Variants in TLE1 observed in about 807,000 individuals in gnomAD.
TLE1 encodes the protein transducin-like enhancer protein 1.
Under a neutral mutation model 89.8 loss-of-function variants are expected in TLE1, and 21 were observed. The observed-to-expected ratio is 0.23, with a 90% CI of 0.17 to 0.34. The LOEUF is 0.34. Among genes scored for constraint, TLE1 ranks in the 10% least tolerant of loss-of-function variants. The pLI is 1.00. For missense variants in TLE1, 795 were observed against 1,031.2 expected, an observed-to-expected ratio of 0.77 and a Z score of 3.14; for synonymous variants, 447 against 407.6, an observed-to-expected ratio of 1.10 and a Z score of -1.16.
Position 81,620,528 on chromosome 9 carries a change from T to TA in TLE1, c.623dup (p.Arg209LysfsTer5), listed in dbSNP as rs1353537517. Reference sequence around the variant, plus strand: ...CATTTCTGCGTTTATCTGTGCCTCTTAGACTGTCTGGGACCAGGAGGGAAT... The same window carrying TA: ...CATTTCTGCGTTTATCTGTGCCTCTTAAGACTGTCTGGGACCAGGAGGGAAT... On this transcript the variant is annotated frameshift_variant, in exon 9 of 20. Transcript: ENST00000376499. LOFTEE classifies it high-confidence loss of function. The TA allele has an allele frequency of 6.2e-7, 1 of 1,613,948 alleles. No individual in the cohort carries two copies. The highest frequency in any genetic ancestry group is 1.7e-5 in the Admixed American group (1 of 59,992).
intron 15 of TLE1, among the ~76,000 whole-genome samples, chr9:81,591,776 A>G (rs1180799369): frequency 6.6e-6 from 1 of 152,230 alleles, no homozygotes; most frequent in Admixed American, 6.5e-5. Context: ...GCCATATTTA[A>G]ATAAGAATTT....
intron 4 of TLE1, among the ~76,000 whole-genome samples, chr9:81,667,724 C>CA (rs933715655): frequency 2.3e-4 from 34 of 150,800 alleles, no homozygotes; most frequent in African/African-American, 8.1e-4. Flanking sequence ...TGCTCCCCCC[C>CA]AAGCTGAGTG....
intron 4 of TLE1, among the ~76,000 whole-genome samples, chr9:81,680,470 G>A (rs567737489): frequency 2.6e-5 from 4 of 152,264 alleles, no homozygotes; most frequent in South Asian, 2.1e-4. Flanking sequence ...GGGGCATTCC[G>A]TTTGAATTTT....
chr9:81,620,404 G>T, intron 9 of TLE1, 37 bp downstream of exon 9: 1 of 1,512,678 alleles, frequency 6.6e-7, no homozygotes, highest in Non-Finnish European at 9.1e-7. Context: ...TGAGCAGTAA[G>T]CAAACAAATA....
chr9:81,613,894 C>A (rs1379801145), intron 11 of TLE1, among the ~76,000 whole-genome samples: 1 of 149,076 alleles, frequency 6.7e-6, no homozygotes, highest in Non-Finnish European at 1.5e-5. Flanking sequence ...CAAGGAAGAC[C>A]CCTTTTCTTT....
chr9:81,609,116 C>CT (rs1240596148), intron 14 of TLE1, among the ~76,000 whole-genome samples: 1 of 151,738 alleles, frequency 6.6e-6, no homozygotes, highest in Admixed American at 6.6e-5. Context: ...ACAGAGTCTC[C>CT]TTCTGTCACC....
chr9:81,595,867 A>G (rs761223347), intron 14 of TLE1, among the ~76,000 whole-genome samples: 21 of 151,990 alleles, frequency 1.4e-4, no homozygotes, highest in Admixed American at 2.6e-4. Context: ...TGAGTTGCAC[A>G]TGATTTAAAG....
intron 4 of TLE1, among the ~76,000 whole-genome samples, chr9:81,657,901 ATAAT>A (rs1431634479): frequency 2.7e-5 from 4 of 150,496 alleles, no homozygotes; most frequent in African/African-American, 9.8e-5. Context: ...CACTACAGAC[ATAAT>A]TTTTTTTTTT....
intron 4 of TLE1, among the ~76,000 whole-genome samples, chr9:81,670,953 G>A: frequency 6.6e-6 from 1 of 151,924 alleles, no homozygotes; most frequent in African/African-American, 2.4e-5. Context: ...TGGATCACCT[G>A]AGGTCAGGAG....
Position 81,666,247 on chromosome 9 carries a change from A to G in TLE1, c.235-12211T>C, listed in dbSNP as rs113623016. 2.7e-3 allele frequency among the ~76,000 whole-genome samples: 407 copies of G among 152,232 alleles called. 2 individuals are homozygous for G. The highest frequency in any genetic ancestry group is 9.4e-3 in the African/African-American group (392 of 41,548). On this transcript the variant is annotated intron_variant, in intron 4 of 19. Transcript: ENST00000376499. Reference sequence around the variant, plus strand: ...TCTTTCTCCAAACTCCGCAGAGTGAATCACAGATCATCACCGTGAAGTCAT... The same window carrying G: ...TCTTTCTCCAAACTCCGCAGAGTGAGTCACAGATCATCACCGTGAAGTCAT...
In TLE1 at chr9:81,634,215, A is replaced by T; in HGVS notation, c.459T>A (p.Pro153=). Residue 153 remains proline, a synonymous_variant, in exon 7 of 20, where the codon CCT becomes CCA. Coordinates refer to ENST00000376499, the MANE Select transcript of TLE1 (RefSeq NM_005077.5). ...CACTGCCCCCGAGGGGCGGGATTCC[A>T]GGAGGCTGAAGTCCCGAAGGGTGAG... ...LTPHPSGLQP[P]GIPPLGGSAG... is the part of the protein sequence containing the mutation. The T allele has an allele frequency of 6.3e-7, 1 of 1,589,716 alleles. No homozygotes were observed. The highest frequency in any genetic ancestry group is 1.1e-5 in the South Asian group (1 of 87,544).
chr9:81,587,769 T>G lies in TLE1; in HGVS notation c.1889A>C (p.Lys630Thr), dbSNP rs1325029113. The G allele has an allele frequency of 6.2e-7, 1 of 1,614,208 alleles. No individual in the cohort carries two copies. Among genetic ancestry groups the G allele is most frequent in the Non-Finnish European group, 8.5e-7 (1 of 1,180,042 alleles). Residue 630 changes from lysine (K) to threonine (T), a missense_variant, in exon 17 of 20, where the codon AAG (lysine) becomes ACG (threonine). Transcript: ENST00000376499. Reference sequence around the variant, plus strand: ...GTTGTCCAAACCACCCGTCCAGAGCTTGGTGCCATCATTAGAAATGTCAAT... The same window carrying G: ...GTTGTCCAAACCACCCGTCCAGAGCGTGGTGCCATCATTAGAAATGTCAAT... The part of the protein sequence containing the change: ...SCIDISNDGT[K>T]LWTGGLDNTV...
intron 4 of TLE1, among the ~76,000 whole-genome samples, chr9:81,676,667 G>A (rs1832942768): frequency 6.6e-6 from 1 of 152,172 alleles, no homozygotes; most frequent in South Asian, 2.1e-4. Flanking sequence ...ATCACAGGGG[G>A]AAGTCAAAAT....
chr9:81,611,802 C>T lies in TLE1; in HGVS notation c.1221G>A (p.Ala407=), dbSNP rs368970037. 44 of 1,547,762 alleles carry T rather than the reference C, an allele frequency of 2.8e-5. No individual in the cohort carries two copies. In the Admixed American group the frequency reaches 6.4e-4, roughly 22 times the overall value. Residue 407 remains alanine, a synonymous_variant, in exon 13 of 20, where the codon GCG becomes GCA. Transcript: ENST00000376499. ...MSPQMSAAAA[A]AAVVAYGRSP... is the part of the protein sequence containing the mutation. ...AGCGCCCGTAGGCCACCACGGCGGC[C>T]GCGGCGGCTGCGGCGCTCATCTGGG...
intron 4 of TLE1, among the ~76,000 whole-genome samples, chr9:81,678,026 C>G (rs918629783): frequency 1.3e-5 from 2 of 152,194 alleles, no homozygotes; most frequent in African/African-American, 4.8e-5. Flanking sequence ...GTATCCTACT[C>G]TTTTTCTGCT....
intron 9 of TLE1, among the ~76,000 whole-genome samples, chr9:81,619,629 C>T (rs1451955991): frequency 6.6e-6 from 1 of 152,202 alleles, no homozygotes; most frequent in Non-Finnish European, 1.5e-5. Flanking sequence ...CCCATTTCAG[C>T]AACTTTACTT....
At chr9:81,634,531 A>G (rs539832229) in intron 6 of TLE1, among the ~76,000 whole-genome samples, 101 of 152,116 alleles carry the variant, frequency 6.6e-4, no homozygotes, top group African/African-American at 2.2e-3. Flanking sequence ...CTGCTCAATT[A>G]CCTCTCCCAC....
chr9:81,687,189 G>A, intron 2 of TLE1, 145 bp downstream of exon 2: 1 of 614,552 alleles, frequency 1.6e-6, no homozygotes, highest in Non-Finnish European at 2.9e-6. Flanking sequence ...AGGAAAGGGG[G>A]TAACTTGAAT....
At chr9:81,679,750 G>A (rs1321174641) in intron 4 of TLE1, among the ~76,000 whole-genome samples, 2 of 152,016 alleles carry the variant, frequency 1.3e-5, no homozygotes, top group African/African-American at 2.4e-5. Flanking sequence ...AAAATCAGAG[G>A]CAACAATAAG....
Sources: allele counts gnomAD v4.1 joint callset (sites outside exome capture counted in the v4.1 genomes callset), GRCh38; gene constraint gnomAD v4.1.1; transcripts MANE v1.5; gene names NCBI Gene and HGNC (gene_info 2026-07-23, HGNC 2026-07-21).